GATAD2A: variants seen among roughly 807,000 people sequenced by gnomAD.
GATAD2A encodes the protein transcriptional repressor p66-alpha.
A neutral mutation model predicts 68.5 loss-of-function variants in GATAD2A; 12 were observed. The observed-to-expected ratio is 0.18, with a 90% CI of 0.11 to 0.28. The LOEUF (loss-of-function observed/expected upper bound fraction) is 0.28. GATAD2A is among the 10% of genes least tolerant of loss of function. The pLI is 1.00. For missense variants in GATAD2A, 755 were observed against 868.5 expected (o/e 0.87, Z 1.64); for synonymous variants, 410 against 375.3 (o/e 1.09, Z -1.07).
intron 1 of GATAD2A, among the ~76,000 whole-genome samples, chr19:19,423,884 G>A (rs749840438): frequency 8.5e-5 from 13 of 152,146 alleles, no homozygotes; most frequent in Non-Finnish European, 1.8e-4. Flanking sequence ...CTCTGGATTC[G>A]GATCTAGGTG....
intron 1 of GATAD2A, among the ~76,000 whole-genome samples, chr19:19,393,555 C>T (rs1295253095): frequency 1.3e-5 from 2 of 152,158 alleles, no homozygotes; most frequent in Non-Finnish European, 2.9e-5. Flanking sequence ...ACACAGCTGG[C>T]CTTCCAGAAG....
chr19:19,438,350 A>G (rs559722480), intron 1 of GATAD2A, among the ~76,000 whole-genome samples: 38 of 152,206 alleles, frequency 2.5e-4, no homozygotes, highest in African/African-American at 9.2e-4. Context: ...GGCTCAAGTG[A>G]TCTACCTCAG....
exon 1 of GATAD2A, chr19:19,386,106 G>A (rs1311993544): frequency 2.0e-5 from 3 of 152,188 alleles, no homozygotes; most frequent in Non-Finnish European, 4.4e-5. Context: ...CGAGGCCGTC[G>A]GCCGCCGTCA....
intron 6 of GATAD2A, 23 bp downstream of exon 6, chr19:19,495,908 G>A (rs1439583762): frequency 1.7e-5 from 27 of 1,603,582 alleles, no homozygotes; most frequent in Non-Finnish European, 2.3e-5. Flanking sequence ...GTGCACATGG[G>A]GGAGACCTGG....
chr19:19,466,346 T>C (rs941038634), intron 2 of GATAD2A, among the ~76,000 whole-genome samples: 1 of 152,194 alleles, frequency 6.6e-6, no homozygotes, highest in Non-Finnish European at 1.5e-5. Flanking sequence ...CTCTCCAGAA[T>C]GTTCATGCCC....
chr19:19,482,206 C>A (rs1051572657), intron 2 of GATAD2A, among the ~76,000 whole-genome samples: 8 of 152,286 alleles, frequency 5.3e-5, no homozygotes, highest in African/African-American at 1.9e-4. Context: ...GAGTTTGAGA[C>A]CAGCCTGACC....
intron 2 of GATAD2A, among the ~76,000 whole-genome samples, chr19:19,470,149 TTTTTTG>T (rs1289083878): frequency 6.6e-5 from 9 of 136,588 alleles, no homozygotes; most frequent in South Asian, 2.5e-4. Flanking sequence ...CTTTATTTTT[TTTTTTG>T]TTTTTTTTTT....
chr19:19,462,867 C>G (rs2057559270), intron 1 of GATAD2A, among the ~76,000 whole-genome samples: 1 of 152,100 alleles, frequency 6.6e-6, no homozygotes, highest in Non-Finnish European at 1.5e-5. Flanking sequence ...GTCTTGGGTT[C>G]AAATGGGCTT....
chr19:19,464,392 T>C (rs1320986594), intron 1 of GATAD2A, among the ~76,000 whole-genome samples: 2 of 152,228 alleles, frequency 1.3e-5, no homozygotes, highest in African/African-American at 4.8e-5. Context: ...TGTTGGGACG[T>C]CGAGGCCGGG....
chr19:19,414,639 C>T (rs1057502189), intron 1 of GATAD2A, among the ~76,000 whole-genome samples: 4 of 145,520 alleles, frequency 2.7e-5, no homozygotes, highest in African/African-American at 7.6e-5. Context: ...ACGGTTCAAG[C>T]GATTCTTGTG....
chr19:19,499,032 C>T (rs1368813649), intron 8 of GATAD2A, among the ~76,000 whole-genome samples: 3 of 152,174 alleles, frequency 2.0e-5, no homozygotes, highest in Admixed American at 6.5e-5. Context: ...CAGGGTTGGC[C>T]TCCACGAAGG....
At position 19,498,431 on chromosome 19, in the gene GATAD2A, T is replaced by C; in HGVS notation, c.925-12T>C. 6.3e-7 allele frequency: 1 copy of C among 1,595,912 alleles called. No homozygotes were observed. The highest frequency in any genetic ancestry group is 8.6e-7 in the Non-Finnish European group (1 of 1,165,970). On this transcript the variant is annotated splice_polypyrimidine_tract_variant and intron_variant, in intron 7 of 11. Transcript: ENST00000683918. ...GCACGGAGCGCCCTGACTGAGTTTT[T>C]GTCTCCCAAAGCCCACCCCAGCATC... is the stretch of plus-strand genomic sequence containing the variant.
At chr19:19,434,028 C>T (rs1374466715) in intron 1 of GATAD2A, among the ~76,000 whole-genome samples, 1 of 152,236 alleles carries the variant, frequency 6.6e-6, no homozygotes, top group Non-Finnish European at 1.5e-5. Context: ...CTGCCATGGC[C>T]TCCCAAAGTG....
chr19:19,408,375 C>T (rs1456896656), intron 1 of GATAD2A, among the ~76,000 whole-genome samples: 1 of 152,118 alleles, frequency 6.6e-6, no homozygotes, highest in Non-Finnish European at 1.5e-5. Context: ...ATCCTATAAT[C>T]TTATATTTTG....
intron 1 of GATAD2A, among the ~76,000 whole-genome samples, chr19:19,459,619 A>G (rs74322277): frequency 0.017 from 2,585 of 152,314 alleles, 36 homozygotes; most frequent in Non-Finnish European, 0.028. Flanking sequence ...CATGTGGCAC[A>G]GAGGGTAGAT....
chr19:19,490,332 T>C (rs1031937087), intron 2 of GATAD2A, among the ~76,000 whole-genome samples: 1 of 152,118 alleles, frequency 6.6e-6, no homozygotes, highest in African/African-American at 2.4e-5. Context: ...CCTTAACCTC[T>C]GGTGCTCTGT....
At position 19,442,121 on chromosome 19, in the gene GATAD2A, A is replaced by G. The variant is rs376692143; in HGVS notation, c.-6-23219A>G. 3.9e-4 allele frequency among the ~76,000 whole-genome samples: 59 copies of G among 152,216 alleles called. No homozygotes were observed. In the East Asian group the frequency reaches 7.9e-3, roughly 20 times the overall value. The stretch of plus-strand genomic sequence containing the variant: ...GTGATCCTCCAGCCTCAGCCTCCCA[A>G]AGTGCTGGGATTACAGGCGTGAGCC... On this transcript the variant is annotated intron_variant, in intron 1 of 11. Transcript: ENST00000683918.
In GATAD2A at chr19:19,436,262, G is replaced by A. The variant is rs112266910; in HGVS notation, c.-6-29078G>A. On this transcript the variant is annotated intron_variant, in intron 1 of 11. Transcript: ENST00000683918. ...AGTGTCTGTGGAAGGAAGGTTCCAC[G>A]CATCCAGCAGGCTTCGGTCAGCTTC... 46 of 1,051,496 alleles carry A rather than the reference G, an allele frequency of 4.4e-5. 2 individuals are homozygous for A. Among genetic ancestry groups the A allele is most frequent in the African/African-American group, 4.2e-4 (26 of 61,760 alleles). 65.1% of individuals were successfully genotyped at this position (1,051,496 alleles called of 1,614,324 possible).
At chr19:19,388,480 G>A (rs1042092395) in intron 1 of GATAD2A, among the ~76,000 whole-genome samples, 1 of 151,990 alleles carries the variant, frequency 6.6e-6, no homozygotes, top group African/African-American at 2.4e-5. Flanking sequence ...TTTTATTTCG[G>A]TTTCCAGGAG....
Sources: gnomAD v4.1 joint callset for allele counts (sites outside exome capture counted in the v4.1 genomes callset) on GRCh38, gnomAD v4.1.1 for gene constraint, MANE v1.5 for transcripts, NCBI Gene and HGNC (gene_info 2026-07-23, HGNC 2026-07-21) for gene names.